Variants in PDE5A observed in about 807,000 individuals in gnomAD.
PDE5A encodes the protein cGMP-specific 3',5'-cyclic phosphodiesterase.
PDE5A carries 67 observed loss-of-function variants against 110.2 expected under a neutral mutation model. The observed-to-expected ratio is 0.61, with a 90% CI of 0.50 to 0.75. The LOEUF is 0.75. Ranked by LOEUF, PDE5A falls within the 30% of genes least tolerant of loss-of-function variation. The pLI is 0.00. For synonymous variants in PDE5A, 328 were observed against 351.2 expected, an observed-to-expected ratio of 0.93 and a Z score of 0.74; for missense variants, 862 against 1,045.1, an observed-to-expected ratio of 0.82 and a Z score of 2.42.
intron 6 of PDE5A, 119 bp downstream of exon 6, chr4:119,562,714 T>G: frequency 1.4e-6 from 1 of 716,818 alleles, no homozygotes; most frequent in South Asian, 2.7e-5. Context: ...TATATACATA[T>G]TCATACACAT....
At chr4:119,586,198 T>A (rs1448952688) in intron 3 of PDE5A, among the ~76,000 whole-genome samples, 1 of 152,234 alleles carries the variant, frequency 6.6e-6, no homozygotes, top group Non-Finnish European at 1.5e-5. Flanking sequence ...AGATCTAGAC[T>A]TCTAAATCCA....
chr4:119,498,852 T>C, intron 20 of PDE5A, 114 bp from the exon 21 acceptor site: 1 of 1,114,854 alleles, frequency 9.0e-7, no homozygotes, highest in Admixed American at 2.3e-5. Context: ...AGACTCACTG[T>C]TGAAATTTTC....
intron 9 of PDE5A, among the ~76,000 whole-genome samples, chr4:119,544,273 T>C (rs2110488709): frequency 6.6e-6 from 1 of 152,326 alleles, no homozygotes; most frequent in African/African-American, 2.4e-5. Flanking sequence ...TAAAGACATC[T>C]ACATGCTTAT....
At position 119,574,852 on chromosome 4, in the gene PDE5A, ACAGTG is replaced by A. The variant is rs1174729934; in HGVS notation, c.832-7713_832-7709del. Among the ~76,000 whole-genome samples, 3 of 152,386 alleles carry A rather than the reference ACAGTG, an allele frequency of 2.0e-5. No individual in the cohort carries two copies. The East Asian group carries it at 5.8e-4, about 29-fold the overall frequency. On this transcript the variant is annotated intron_variant, in intron 3 of 20. Coordinates refer to ENST00000354960, the MANE Select transcript of PDE5A (RefSeq NM_001083.4). ...CTAATTTGTGGTTATAGATATCAGA[ACAGTG>A]TTGCCCATGGGTGGTGAGGACTGAT...
intron 3 of PDE5A, among the ~76,000 whole-genome samples, chr4:119,582,969 TG>T (rs1226524876): frequency 6.6e-6 from 1 of 152,220 alleles, no homozygotes; most frequent in Non-Finnish European, 1.5e-5. Context: ...ATTTTTAGAA[TG>T]GTAAGTGAGC....
intron 20 of PDE5A, 107 bp from the exon 21 acceptor site, chr4:119,498,845 C>T (rs1359405713): frequency 5.9e-6 from 7 of 1,176,822 alleles, no homozygotes; most frequent in Non-Finnish European, 8.5e-6. Flanking sequence ...CATAAGCAGA[C>T]TCACTGTTGA....
intron 3 of PDE5A, among the ~76,000 whole-genome samples, chr4:119,574,853 C>G (rs979111257): frequency 2.6e-5 from 4 of 152,168 alleles, no homozygotes; most frequent in African/African-American, 9.7e-5. Flanking sequence ...GATATCAGAA[C>G]AGTGTTGCCC....
At chr4:119,513,317 C>T (rs1312291652) in intron 14 of PDE5A, among the ~76,000 whole-genome samples, 2 of 152,220 alleles carry the variant, frequency 1.3e-5, no homozygotes, top group African/African-American at 4.8e-5. Context: ...GACCTAGGGA[C>T]AACTGCCTTT....
At chr4:119,625,152 A>G (rs3109370) in intron 1 of PDE5A, among the ~76,000 whole-genome samples, 143,440 of 152,050 alleles carry the variant, frequency 0.94, 67,718 homozygotes, top group Non-Finnish European at 0.97. Context: ...CGCGCGCCAT[A>G]CCTGGCTAAT....
chr4:119,605,755 A>G (rs780392155), intron 2 of PDE5A, among the ~76,000 whole-genome samples: 2 of 151,738 alleles, frequency 1.3e-5, no homozygotes, highest in Non-Finnish European at 2.9e-5. Flanking sequence ...TCTCTATGCT[A>G]TTTATCTATT....
chr4:119,509,379 A>T (rs1725664185), intron 15 of PDE5A, among the ~76,000 whole-genome samples: 2 of 152,074 alleles, frequency 1.3e-5, no homozygotes, highest in Admixed American at 1.3e-4. Context: ...GATTGTTGAG[A>T]CAGTAACTCT....
At chr4:119,616,845 C>G (rs371758443) in intron 1 of PDE5A, among the ~76,000 whole-genome samples, 1 of 151,946 alleles carries the variant, frequency 6.6e-6, no homozygotes, top group African/African-American at 2.4e-5. Context: ...AAATTACACA[C>G]GGCAAAAATA....
At chr4:119,499,212 CATAA>C (rs1250641314) in intron 20 of PDE5A, among the ~76,000 whole-genome samples, 1 of 152,020 alleles carries the variant, frequency 6.6e-6, no homozygotes, top group African/African-American at 2.4e-5. Context: ...ATTATAGTGC[CATAA>C]ATATTTAGCC....
intron 14 of PDE5A, among the ~76,000 whole-genome samples, chr4:119,513,308 AC>A (rs1224333309): frequency 2.0e-5 from 3 of 152,076 alleles, no homozygotes; most frequent in Non-Finnish European, 4.4e-5. Context: ...GGGTACAAAG[AC>A]CTAGGGACAA....
chr4:119,562,823 C>A lies in PDE5A; in HGVS notation c.1131+10G>T. 1 of 1,551,158 alleles carries A rather than the reference C, an allele frequency of 6.4e-7. No individual in the cohort carries two copies. The stretch of plus-strand genomic sequence containing the variant: ...TTTCTAAAAATAAAAAAGTCATACT[C>A]TGTACTCACGGAGCAATCTTCATCC... On this transcript the variant is annotated intron_variant, in intron 6 of 20. Coordinates refer to ENST00000354960, the MANE Select transcript of PDE5A (RefSeq NM_001083.4).
intron 3 of PDE5A, among the ~76,000 whole-genome samples, chr4:119,583,186 C>T (rs1186373121): frequency 6.6e-6 from 1 of 152,240 alleles, no homozygotes; most frequent in African/African-American, 2.4e-5. Flanking sequence ...TTCACTAGAT[C>T]TGGATAACTT....
At chr4:119,535,060 A>AGG (rs775346615) in intron 11 of PDE5A, among the ~76,000 whole-genome samples, 1 of 152,202 alleles carries the variant, frequency 6.6e-6, no homozygotes. Flanking sequence ...CAAGAAAGGA[A>AGG]GGTTGCCGGG....
At position 119,587,476 on chromosome 4, in the gene PDE5A, C is replaced by T. The variant is rs546112230; in HGVS notation, c.831+9047G>A. Reference sequence around the variant, plus strand: ...TCGGCTCACTGCAAGCTCCGCTTCCCGGGTTCACGCCATTCTCCTGCCTCA... The same window carrying T: ...TCGGCTCACTGCAAGCTCCGCTTCCTGGGTTCACGCCATTCTCCTGCCTCA... On this transcript the variant is annotated intron_variant, in intron 3 of 20. Coordinates refer to ENST00000354960, the MANE Select transcript of PDE5A (RefSeq NM_001083.4). 3.3e-5 allele frequency among the ~76,000 whole-genome samples: 5 copies of T among 152,124 alleles called. No homozygotes were observed. In the East Asian group the frequency reaches 7.7e-4, roughly 24 times the overall value.
intron 1 of PDE5A, among the ~76,000 whole-genome samples, chr4:119,624,626 A>C (rs1464895257): frequency 6.6e-6 from 1 of 152,220 alleles, no homozygotes; most frequent in Non-Finnish European, 1.5e-5. Context: ...TTGCCTGTAC[A>C]AAACAAAGCA....
Sources: allele counts gnomAD v4.1 joint callset (sites outside exome capture counted in the v4.1 genomes callset), GRCh38; gene constraint gnomAD v4.1.1; transcripts MANE v1.5; gene names NCBI Gene and HGNC (gene_info 2026-07-23, HGNC 2026-07-21).